The following CDK19 variants were observed in gnomAD, a reference collection of about 807,000 sequenced individuals.
The protein encoded by CDK19 is cyclin dependent kinase 19.
Under a neutral mutation model 68.3 loss-of-function variants are expected in CDK19, and 20 were observed. The ratio of observed to expected loss-of-function variants is 0.29; its 90% CI spans 0.21 to 0.43. The LOEUF is 0.43. Ranked by LOEUF, CDK19 falls within the 20% of genes least tolerant of loss-of-function variation. CDK19 has a pLI of 1.00. For synonymous variants in CDK19, 221 were observed against 222.8 expected (o/e 0.99, Z 0.07); for missense variants, 339 against 623.5 (o/e 0.54, Z 4.86).
At chr6:110,707,920 C>T (rs1420786579) in intron 2 of CDK19, among the ~76,000 whole-genome samples, 2 of 152,020 alleles carry the variant, frequency 1.3e-5, no homozygotes, top group Admixed American at 1.3e-4. Flanking sequence ...TGCAGTGAGA[C>T]GAGATCATGC....
intron 1 of CDK19, among the ~76,000 whole-genome samples, chr6:110,763,121 A>G (rs1057217862): frequency 2.6e-5 from 4 of 152,186 alleles, no homozygotes; most frequent in African/African-American, 9.7e-5. Flanking sequence ...AGAGAAACTA[A>G]AGAAAATAGA....
chr6:110,709,197 T>C (rs1249579546), intron 2 of CDK19, among the ~76,000 whole-genome samples: 1 of 152,090 alleles, frequency 6.6e-6, no homozygotes, highest in African/African-American at 2.4e-5. Flanking sequence ...ATAAGAGCTA[T>C]TTATAAAAAC....
intron 2 of CDK19, among the ~76,000 whole-genome samples, chr6:110,680,375 G>T (rs1771901456): frequency 6.6e-6 from 1 of 152,124 alleles, no homozygotes; most frequent in Non-Finnish European, 1.5e-5. Context: ...AGGAACAGGG[G>T]ACACAGGGGA....
Position 110,746,150 on chromosome 6 carries a change from G to A in CDK19, c.180C>T (p.Ser60=), listed in dbSNP as rs769118042. ...ALKQIEGTGI[S]MSACREIALL... Reference sequence around the variant, plus strand: ...CTGCAATCTCTCTACAAGCCGACATGGATATTCCTGTGCCTTCAATTTGCT... The same window carrying A: ...CTGCAATCTCTCTACAAGCCGACATAGATATTCCTGTGCCTTCAATTTGCT... Residue 60 remains serine, a synonymous_variant, in exon 2 of 13, where the codon TCC becomes TCT. Transcript: ENST00000368911. The A allele has an allele frequency of 1.9e-5, 31 of 1,600,218 alleles. No homozygotes were observed. In the Middle Eastern group the frequency reaches 8.3e-4, roughly 43 times the overall value.
chr6:110,688,246 C>T (rs1228309383), intron 2 of CDK19, among the ~76,000 whole-genome samples: 1 of 151,898 alleles, frequency 6.6e-6, no homozygotes, highest in Non-Finnish European at 1.5e-5. Flanking sequence ...ATTAGCCAGG[C>T]ATGAATCACC....
intron 2 of CDK19, among the ~76,000 whole-genome samples, chr6:110,710,638 C>G (rs969622695): frequency 2.0e-5 from 3 of 152,308 alleles, no homozygotes; most frequent in South Asian, 2.1e-4. Context: ...CAGAGACTGC[C>G]ATCTTCTCAC....
intron 2 of CDK19, among the ~76,000 whole-genome samples, chr6:110,678,588 T>C (rs1299771844): frequency 6.6e-6 from 1 of 152,222 alleles, no homozygotes; most frequent in Non-Finnish European, 1.5e-5. Context: ...CTGCACTTTA[T>C]CTTTCTGCAA....
chr6:110,767,185 G>T (rs1779655795), intron 1 of CDK19, among the ~76,000 whole-genome samples: 1 of 151,628 alleles, frequency 6.6e-6, no homozygotes, highest in African/African-American at 2.4e-5. Context: ...CCTCATGGAA[G>T]TACCAAGTAG....
chr6:110,682,670 C>T (rs919744810), intron 2 of CDK19, among the ~76,000 whole-genome samples: 7 of 152,102 alleles, frequency 4.6e-5, no homozygotes, highest in Non-Finnish European at 8.8e-5. Flanking sequence ...TTCCCCTTTG[C>T]CACCCAGTTG....
intron 2 of CDK19, among the ~76,000 whole-genome samples, chr6:110,723,135 C>CAAA (rs760048229): frequency 0.011 from 712 of 65,288 alleles, 52 homozygotes; most frequent in African/African-American, 0.029. Flanking sequence ...AAGGCTTTGT[C>CAAA]AAAAAAAACA....
At chr6:110,734,406 A>G (rs1777021426) in intron 2 of CDK19, among the ~76,000 whole-genome samples, 1 of 152,098 alleles carries the variant, frequency 6.6e-6, no homozygotes, top group South Asian at 2.1e-4. Context: ...TTACTTGTGG[A>G]ACACAACAAA....
chr6:110,801,827 T>A (rs1297248665), intron 1 of CDK19, among the ~76,000 whole-genome samples: 1 of 152,180 alleles, frequency 6.6e-6, no homozygotes, highest in African/African-American at 2.4e-5. Flanking sequence ...TTATTTTAAA[T>A]TTTTTTAAAT....
At chr6:110,723,703 C>T (rs1193498568) in intron 2 of CDK19, among the ~76,000 whole-genome samples, 1 of 152,112 alleles carries the variant, frequency 6.6e-6, no homozygotes, top group Non-Finnish European at 1.5e-5. Flanking sequence ...AATTAAAGGC[C>T]TTTTTATACT....
rs774616605 is a variant in CDK19 at position 110,622,075 on chromosome 6, G to A, written c.1110+13C>T. 51 of 1,550,714 alleles carry A rather than the reference G, an allele frequency of 3.3e-5. No homozygotes were observed. Among genetic ancestry groups the A allele is most frequent in the East Asian group, 2.7e-4 (12 of 44,356 alleles). On this transcript the variant is annotated intron_variant, in intron 11 of 12. Transcript: ENST00000368911. ...TGCTCTTTGGAAGTGAAAGTATACC[G>A]TGCAGTTTATACCTTGTCACCTTTT... is the stretch of plus-strand genomic sequence containing the variant.
chr6:110,632,193 C>T lies in CDK19; in HGVS notation c.515-32G>A, dbSNP rs1234449466. On this transcript the variant is annotated intron_variant, in intron 5 of 12. Coordinates refer to ENST00000368911, the MANE Select transcript of CDK19 (RefSeq NM_015076.5). ...AAATAAAATAAATTAACATAAAATT[C>T]AGTTTGATTGTTTCTCGTCCTTTTG... 4 of 1,539,754 alleles carry T rather than the reference C, an allele frequency of 2.6e-6. 1 individual carries two copies. Among genetic ancestry groups the T allele is most frequent in the Non-Finnish European group, 3.5e-6 (4 of 1,130,730 alleles).
intron 1 of CDK19, among the ~76,000 whole-genome samples, chr6:110,814,320 G>T (rs895767039): frequency 1.3e-5 from 2 of 152,240 alleles, no homozygotes; most frequent in African/African-American, 2.4e-5. Flanking sequence ...TGCCGCTTGC[G>T]AAACGCAGCT....
intron 6 of CDK19, among the ~76,000 whole-genome samples, chr6:110,631,382 C>G (rs1172559986): frequency 6.6e-6 from 1 of 152,178 alleles, no homozygotes; most frequent in Non-Finnish European, 1.5e-5. Flanking sequence ...TGTGAGGATA[C>G]TGCAGTCACC....
chr6:110,677,858 T>C (rs1276409236), intron 2 of CDK19, among the ~76,000 whole-genome samples: 4 of 152,088 alleles, frequency 2.6e-5, no homozygotes, highest in Non-Finnish European at 5.9e-5. Flanking sequence ...CTTACTAACT[T>C]ATTTATTTTG....
At chr6:110,727,399 C>T (rs1670195618) in intron 2 of CDK19, among the ~76,000 whole-genome samples, 1 of 152,148 alleles carries the variant, frequency 6.6e-6, no homozygotes, top group South Asian at 2.1e-4. Context: ...CCTCACTCCA[C>T]TTACTGTACC....
Sources: allele counts gnomAD v4.1 joint callset (sites outside exome capture counted in the v4.1 genomes callset), GRCh38; gene constraint gnomAD v4.1.1; transcripts MANE v1.5; gene names NCBI Gene and HGNC (gene_info 2026-07-23, HGNC 2026-07-21).